Variants in SELP observed in about 807,000 individuals in gnomAD.
SELP encodes the protein P-selectin.
A neutral mutation model predicts 104.1 loss-of-function variants in SELP; 92 were observed. That is an observed-to-expected ratio of 0.88 (90% CI 0.75 to 1.05). SELP has a LOEUF of 1.05. Ranked by LOEUF, SELP falls within the 50% of genes least tolerant of loss-of-function variation. SELP has a pLI of 0.00. For missense variants in SELP, 1,022 were observed against 1,017.3 expected, an observed-to-expected ratio of 1.00 and a Z score of -0.06; for synonymous variants, 397 against 364.5, an observed-to-expected ratio of 1.09 and a Z score of -1.01.
At chr1:169,590,642 T>A (rs1218684279) in intron 15 of SELP, among the ~76,000 whole-genome samples, 1 of 152,142 alleles carries the variant, frequency 6.6e-6, no homozygotes, top group Non-Finnish European at 1.5e-5. Context: ...TCTACGACAA[T>A]AGAGTTCATA....
At position 169,597,072 on chromosome 1, in the gene SELP, T is replaced by A. The variant is rs147782841; in HGVS notation, c.1810A>T (p.Asn604Tyr). ...VGSTCHFSCD[N>Y]GFKLEGPNNV... is the part of the protein sequence containing the mutation. ...TTGGGCCCCTCCAGCTTAAAGCCGT[T>A]GTCACAAGAGAAATGGCAGGTGGAG... Residue 604 changes from asparagine (N) to tyrosine (Y), a missense_variant, in exon 11 of 17, where the codon AAC (asparagine) becomes TAC (tyrosine). Physicochemically the swap from Asn to Tyr is moderately radical, Grantham distance 143. Coordinates refer to ENST00000263686, the MANE Select transcript of SELP (RefSeq NM_003005.4). The A allele has an allele frequency of 7.6e-5, 123 of 1,613,352 alleles. No individual in the cohort carries two copies. The African/African-American group carries it at 1.6e-3, about 21-fold the overall frequency.
Position 169,612,315 on chromosome 1 carries a change from C to A in SELP, c.863G>T (p.Cys288Phe). ...SAKAFQHQSS[C>F]SFSCEEGFAL... ...AAATCCCTCTTCACAACTGAAGCTG[C>A]AGCTAGACTGATGCTGGAATGCTTT... Residue 288 changes from cysteine to phenylalanine, a missense_variant, in exon 6 of 17, where the codon TGC becomes TTC. Coordinates refer to ENST00000263686, the MANE Select transcript of SELP (RefSeq NM_003005.4). The A allele has an allele frequency of 6.2e-7, 1 of 1,614,160 alleles. No individual in the cohort carries two copies. The highest frequency in any genetic ancestry group is 8.5e-7 in the Non-Finnish European group (1 of 1,180,018).
intron 1 of SELP, among the ~76,000 whole-genome samples, chr1:169,619,795 T>C (rs998206120): frequency 6.6e-6 from 1 of 152,192 alleles, no homozygotes; most frequent in African/African-American, 2.4e-5. Context: ...TGTATGTATA[T>C]ATTTAATATT....
At chr1:169,597,939 ATTC>A (rs1661716276) in intron 10 of SELP, among the ~76,000 whole-genome samples, 1 of 152,140 alleles carries the variant, frequency 6.6e-6, no homozygotes, top group Non-Finnish European at 1.5e-5. Context: ...TCTCCTCTGA[ATTC>A]TTCAACTTTT....
At chr1:169,592,517 G>C (rs1030665832) in intron 14 of SELP, among the ~76,000 whole-genome samples, 1 of 152,148 alleles carries the variant, frequency 6.6e-6, no homozygotes, top group Non-Finnish European at 1.5e-5. Flanking sequence ...GAGTGATGAA[G>C]AAGAGCCCCA....
chr1:169,597,407 A>G (rs571286847), intron 10 of SELP, among the ~76,000 whole-genome samples: 1 of 152,202 alleles, frequency 6.6e-6, no homozygotes, highest in Non-Finnish European at 1.5e-5. Context: ...ACGAAGACAA[A>G]GAAGTCAAAG....
chr1:169,613,217 T>C, intron 4 of SELP, 103 bp from the exon 5 acceptor site: 1 of 1,104,934 alleles, frequency 9.1e-7, no homozygotes, highest in Admixed American at 3.0e-5. Flanking sequence ...TTAACTCTAA[T>C]TTTCTAAACT....
In SELP at chr1:169,594,781, T is replaced by TG. The variant is rs1661518342; in HGVS notation, c.2197dup (p.His733ProfsTer9). ...ATTAAGTAACTGGCCCTCTAGACAA[T>TG]GGAAAGAGCAGATTGATCCATAACT... On this transcript the variant is annotated frameshift_variant, in exon 13 of 17. Transcript: ENST00000263686. LOFTEE classifies it high-confidence loss of function. The TG allele has an allele frequency of 1.1e-5, 18 of 1,613,754 alleles. No homozygotes were observed. Among genetic ancestry groups the TG allele is most frequent in the Non-Finnish European group, 1.4e-5 (17 of 1,179,858 alleles).
intron 9 of SELP, 24 bp downstream of exon 9, chr1:169,606,925 A>G: frequency 6.3e-7 from 1 of 1,598,998 alleles, no homozygotes; most frequent in Non-Finnish European, 8.5e-7. Context: ...TATTTCCATG[A>G]TGTTAGAAAG....
chr1:169,596,778 A>T (rs1232430050), intron 11 of SELP, among the ~76,000 whole-genome samples: 1 of 152,240 alleles, frequency 6.6e-6, no homozygotes, highest in Non-Finnish European at 1.5e-5. Flanking sequence ...CATGAAACAA[A>T]ATTCCTGCTT....
intron 3 of SELP, among the ~76,000 whole-genome samples, chr1:169,614,304 GACAA>G (rs3917713): frequency 0.028 from 4,194 of 152,268 alleles, 126 homozygotes; most frequent in African/African-American, 0.076. Flanking sequence ...CATGGTAAAG[GACAA>G]ACAATCTTAT....
chr1:169,600,228 G>GA (rs3917785), intron 10 of SELP, among the ~76,000 whole-genome samples: 100,471 of 151,768 alleles, frequency 0.66, 34,288 homozygotes, highest in East Asian at 0.96. Flanking sequence ...AAAACATTCA[G>GA]AAAAAAAATA....
At position 169,594,885 on chromosome 1, in the gene SELP, A is replaced by T; in HGVS notation, c.2102-8T>A. The stretch of plus-strand genomic sequence containing the variant: ...GTTCTGAGCATTTCACAGCTGCAGA[A>T]AAGAAATAATGCAAGAGAAACAACA... On this transcript the variant is annotated splice_polypyrimidine_tract_variant and splice_region_variant and intron_variant, in intron 12 of 16. Transcript: ENST00000263686. 1 of 1,607,780 alleles carries T rather than the reference A, an allele frequency of 6.2e-7. No individual in the cohort carries two copies. The highest frequency in any genetic ancestry group is 1.1e-5 in the South Asian group (1 of 90,502).
chr1:169,620,378 A>C (rs919822587), intron 1 of SELP, among the ~76,000 whole-genome samples: 1 of 118,832 alleles, frequency 8.4e-6, no homozygotes, highest in Non-Finnish European at 1.8e-5. Context: ...TTTCCACTGT[A>C]CTTTTTTTTT....
At position 169,617,154 on chromosome 1, in the gene SELP, C is replaced by T. The variant is rs776127740; in HGVS notation, c.355G>A (p.Asp119Asn). The change falls in exon 3 of 17, where the codon GAT (aspartate) becomes AAT (asparagine). Residue 119 changes from aspartate to asparagine, a missense_variant. By Grantham distance (23) the Asp-to-Asn change is conservative (BLOSUM62 1). Transcript: ENST00000263686. ...ALTNEAENWADNEPNNKRNNE... is the reference protein window; with the variant it reads ...ALTNEAENWANNEPNNKRNNE... ...TTCCTTTTGTTGTTAGGTTCATTAT[C>T]AGCCCAGTTCTCAGCCTCGTTGGTG... is the stretch of plus-strand genomic sequence containing the variant. 6.2e-7 allele frequency: 1 copy of T among 1,614,156 alleles called. No homozygotes were observed. Among genetic ancestry groups the T allele is most frequent in the South Asian group, 1.1e-5 (1 of 91,074 alleles).
intron 2 of SELP, among the ~76,000 whole-genome samples, chr1:169,618,605 G>T (rs1662941919): frequency 6.6e-6 from 1 of 152,166 alleles, no homozygotes; most frequent in African/African-American, 2.4e-5. Flanking sequence ...CTGCCTGCAT[G>T]AGGGTTAGTC....
At chr1:169,603,313 G>A (rs200652707) in intron 9 of SELP, 102 bp from the exon 10 acceptor site, 1 of 225,834 alleles carries the variant, frequency 4.4e-6, no homozygotes, top group Non-Finnish European at 6.9e-6. Context: ...CTCTCTGTGT[G>A]TGTGTGTGTG....
Position 169,596,182 on chromosome 1 carries a change from G to T in SELP, c.1892-48C>A, listed in dbSNP as rs751341812. The T allele has an allele frequency of 5.1e-6, 8 of 1,556,730 alleles. No individual in the cohort carries two copies. The African/African-American group carries it at 1.1e-4, about 21-fold the overall frequency. ...TTCAGAGACCTCCCAATTAAAAGAA[G>T]CGTTAACAGAGTTAAGGCTAATCTG... On this transcript the variant is annotated intron_variant, in intron 11 of 16. Transcript: ENST00000263686.
At chr1:169,591,489 T>TAAAAA (rs35706397) in intron 14 of SELP, 33 bp from the exon 15 acceptor site, 14 of 1,244,956 alleles carry the variant, frequency 1.1e-5, no homozygotes, top group African/African-American at 3.2e-5. Flanking sequence ...AATGAATGAT[T>TAAAAA]AAAAAAAAAA....
Sources: allele counts gnomAD v4.1 joint callset (sites outside exome capture counted in the v4.1 genomes callset), GRCh38; gene constraint gnomAD v4.1.1; transcripts MANE v1.5; gene names NCBI Gene and HGNC (gene_info 2026-07-23, HGNC 2026-07-21).